CACNA2D3: variants seen among roughly 807,000 people sequenced by gnomAD.
CACNA2D3 encodes voltage-dependent calcium channel subunit alpha-2/delta-3.
CACNA2D3 carries 60 observed loss-of-function variants against 160.6 expected under a neutral mutation model. That is an observed-to-expected ratio of 0.37 (90% CI 0.30 to 0.46). The LOEUF is 0.46. Among genes scored for constraint, CACNA2D3 ranks in the 20% least tolerant of loss-of-function variants. The pLI is 1.00. For missense variants in CACNA2D3, 1,205 were observed against 1,365.0 expected (o/e 0.88, Z 1.85); for synonymous variants, 558 against 492.9 (o/e 1.13, Z -1.75).
At chr3:54,829,988 AGGTTCAAGCAATTCTCTGCCTCCCG>A (rs200236523) in intron 14 of CACNA2D3, among the ~76,000 whole-genome samples, 113,820 of 147,566 alleles carry the variant, frequency 0.77, 44,379 homozygotes, top group African/African-American at 0.9. Context: ...TCTGCCTCCC[AGGTTCAAGCAATTCTCTGCCTCCCG>A]GGTTCAAGCA....
intron 13 of CACNA2D3, among the ~76,000 whole-genome samples, chr3:54,787,738 T>C (rs1404441534): frequency 6.6e-6 from 1 of 152,176 alleles, no homozygotes; most frequent in African/African-American, 2.4e-5. Context: ...TGATAAGGAT[T>C]ATTTAGTAAA....
chr3:54,745,127 A>G (rs748751290), intron 11 of CACNA2D3, among the ~76,000 whole-genome samples: 16 of 152,232 alleles, frequency 1.1e-4, no homozygotes, highest in Non-Finnish European at 2.1e-4. Context: ...CCATGAAGGG[A>G]CACACAGGGA....
At chr3:54,635,352 C>A (rs944482703) in intron 10 of CACNA2D3, among the ~76,000 whole-genome samples, 3 of 151,870 alleles carry the variant, frequency 2.0e-5, no homozygotes, top group African/African-American at 7.3e-5. Context: ...TTAAGAGTGG[C>A]GGTTTGGGGA....
intron 2 of CACNA2D3, among the ~76,000 whole-genome samples, chr3:54,213,801 A>G (rs1185667862): frequency 6.6e-6 from 1 of 152,258 alleles, no homozygotes; most frequent in Non-Finnish European, 1.5e-5. Context: ...AAAATGAATC[A>G]AATGAGGGAG....
At position 54,387,949 on chromosome 3, in the gene CACNA2D3, G is replaced by A. The variant is rs1559467852; in HGVS notation, c.381+1175G>A. Among the ~76,000 whole-genome samples the A allele has an allele frequency of 3.3e-5, 5 of 152,312 alleles. No individual in the cohort carries two copies. The East Asian group carries it at 5.8e-4, about 18-fold the overall frequency. ...GATGGCAGTACCAAAGCTGACCACC[G>A]GCTGCATGTCTCTCTGGAAGATGTG... On this transcript the variant is annotated intron_variant, in intron 4 of 37. Transcript: ENST00000474759.
At position 54,700,297 on chromosome 3, in the gene CACNA2D3, T is replaced by C. The variant is rs543019587; in HGVS notation, c.1168-52302T>C. Among the ~76,000 whole-genome samples the C allele has an allele frequency of 7.2e-4, 110 of 152,326 alleles. 1 individual carries two copies. The highest frequency in any genetic ancestry group is 2.4e-3 in the African/African-American group (98 of 41,578). ...TTTCCCACTGATACTGATTTCTTTG[T>C]TTATTTATGCTCTCCTGTCTATTTT... On this transcript the variant is annotated intron_variant, in intron 11 of 37. Coordinates refer to ENST00000474759, the MANE Select transcript of CACNA2D3 (RefSeq NM_018398.3).
chr3:54,881,232 A>G (rs1186788787), intron 21 of CACNA2D3, among the ~76,000 whole-genome samples: 2 of 152,182 alleles, frequency 1.3e-5, no homozygotes, highest in African/African-American at 4.8e-5. Context: ...AGTACTTGGG[A>G]GAAATACAAA....
intron 4 of CACNA2D3, among the ~76,000 whole-genome samples, chr3:54,441,251 T>C (rs972023620): frequency 6.6e-6 from 1 of 152,246 alleles, no homozygotes; most frequent in African/African-American, 2.4e-5. Context: ...TGATGAGCAT[T>C]TTCTCATGTG....
chr3:54,243,120 C>G (rs1344782961), intron 2 of CACNA2D3, among the ~76,000 whole-genome samples: 2 of 152,178 alleles, frequency 1.3e-5, no homozygotes, highest in Non-Finnish European at 2.9e-5. Context: ...CAGATCTCCT[C>G]CAAGATTGTA....
At chr3:54,862,056 G>A (rs1405213231) in intron 17 of CACNA2D3, among the ~76,000 whole-genome samples, 1 of 152,130 alleles carries the variant, frequency 6.6e-6, no homozygotes, top group Admixed American at 6.6e-5. Flanking sequence ...TCGAGAAGAC[G>A]GACCAATGAT....
chr3:54,962,695 T>C (rs574779973), intron 27 of CACNA2D3, among the ~76,000 whole-genome samples: 6 of 152,282 alleles, frequency 3.9e-5, no homozygotes, highest in Middle Eastern at 3.4e-3. Flanking sequence ...CAACTCCTGA[T>C]TGGAATTCAC....
At chr3:54,740,130 C>T (rs943128357) in intron 11 of CACNA2D3, among the ~76,000 whole-genome samples, 3 of 152,010 alleles carry the variant, frequency 2.0e-5, no homozygotes, top group Non-Finnish European at 4.4e-5. Flanking sequence ...ACACCAAAGA[C>T]AGGGGAGCCA....
intron 5 of CACNA2D3, among the ~76,000 whole-genome samples, chr3:54,515,307 C>T (rs1701533228): frequency 6.6e-6 from 1 of 152,058 alleles, no homozygotes; most frequent in African/African-American, 2.4e-5. Context: ...TTTCCACTTT[C>T]TACCCTTCTG....
chr3:54,723,904 A>C (rs1332756588), intron 11 of CACNA2D3, among the ~76,000 whole-genome samples: 2 of 152,200 alleles, frequency 1.3e-5, no homozygotes, highest in Non-Finnish European at 2.9e-5. Flanking sequence ...GACAGGATCA[A>C]ATTCACACAT....
chr3:54,190,351 T>C (rs932414894), intron 2 of CACNA2D3, among the ~76,000 whole-genome samples: 11 of 152,334 alleles, frequency 7.2e-5, no homozygotes, highest in African/African-American at 2.4e-4. Flanking sequence ...GGTGAATGTT[T>C]CTTAAATCTG....
intron 35 of CACNA2D3, among the ~76,000 whole-genome samples, chr3:55,052,414 T>C (rs1161485406): frequency 6.7e-6 from 1 of 150,302 alleles, no homozygotes; most frequent in Non-Finnish European, 1.5e-5. Flanking sequence ...ATATATATGT[T>C]TGTGTGTATA....
chr3:54,732,104 CT>C (rs1701400973), intron 11 of CACNA2D3, among the ~76,000 whole-genome samples: 1 of 152,176 alleles, frequency 6.6e-6, no homozygotes, highest in South Asian at 2.1e-4. Flanking sequence ...AGGAAGTATT[CT>C]GTTTAGGCTA....
At chr3:54,679,161 C>T (rs1314149491) in intron 11 of CACNA2D3, among the ~76,000 whole-genome samples, 4 of 152,148 alleles carry the variant, frequency 2.6e-5, no homozygotes, top group Admixed American at 2.0e-4. Flanking sequence ...GGTCCTTTTC[C>T]TTAGCCTCCT....
At chr3:54,981,958 G>A (rs1310971072) in intron 29 of CACNA2D3, among the ~76,000 whole-genome samples, 1 of 152,204 alleles carries the variant, frequency 6.6e-6, no homozygotes, top group African/African-American at 2.4e-5. Context: ...GGTGGGGAAA[G>A]TGAAGAGCTC....
Sources: gnomAD v4.1 joint callset for allele counts (sites outside exome capture counted in the v4.1 genomes callset) on GRCh38, gnomAD v4.1.1 for gene constraint, MANE v1.5 for transcripts, NCBI Gene and HGNC (gene_info 2026-07-23, HGNC 2026-07-21) for gene names.